SMURF2: variants seen among roughly 807,000 people sequenced by gnomAD.
The protein encoded by SMURF2 is SMAD specific E3 ubiquitin protein ligase 2.
Under a neutral mutation model 109.6 loss-of-function variants are expected in SMURF2, and 48 were observed. That is an observed-to-expected ratio of 0.44 (90% CI 0.35 to 0.56). The LOEUF is 0.56. SMURF2 is among the 20% of genes least tolerant of loss of function. The pLI, the probability that SMURF2 is intolerant of heterozygous loss-of-function variation, is 0.01. For synonymous variants in SMURF2, 288 were observed against 317.1 expected (o/e 0.91, Z 0.97); for missense variants, 575 against 909.0 (o/e 0.63, Z 4.72).
chr17:64,547,557 G>A lies in SMURF2; in HGVS notation c.2071+43C>T, dbSNP rs782615947. ...CCACAGACCCCACGCTGACAGCCCC[G>A]CCCCCACCCGCTGCCCAGCTTGCCT... On this transcript the variant is annotated intron_variant, in intron 17 of 18. Coordinates refer to ENST00000262435, the MANE Select transcript of SMURF2 (RefSeq NM_022739.4). This position sits in a 1 kb window ranked among gnomAD's most constrained non-coding sequence, Gnocchi z 4.2. The A allele has an allele frequency of 9.5e-6, 12 of 1,262,284 alleles. No homozygotes were observed. Among genetic ancestry groups the A allele is most frequent in the Admixed American group, 1.9e-5 (1 of 52,942 alleles). 78.2% of individuals were successfully genotyped at this position (1,262,284 alleles called of 1,614,324 possible). A position where few individuals can be genotyped will look rare whatever the true frequency, so the allele number is the denominator to read the frequency against.
intron 2 of SMURF2, among the ~76,000 whole-genome samples, chr17:64,604,906 T>C (rs1598291871): frequency 3.3e-5 from 5 of 151,258 alleles, no homozygotes; most frequent in South Asian, 4.2e-4. Flanking sequence ...ATCACACCAC[T>C]GCACTCCAGC....
intron 1 of SMURF2, among the ~76,000 whole-genome samples, chr17:64,614,415 C>T (rs1380502167): frequency 1.3e-5 from 2 of 152,180 alleles, no homozygotes; most frequent in Non-Finnish European, 2.9e-5. Flanking sequence ...CAGTACCATG[C>T]TGCAGAATCC....
chr17:64,606,474 G>T, intron 2 of SMURF2, 128 bp downstream of exon 2: 1 of 729,852 alleles, frequency 1.4e-6, no homozygotes, highest in Non-Finnish European at 2.3e-6. Flanking sequence ...GCTCTGAACC[G>T]AAGCATTCAT....
At position 64,547,037 on chromosome 17, in the gene SMURF2, G is replaced by A. The variant is rs1464122374; in HGVS notation, c.2071+563C>T. 6.6e-6 allele frequency among the ~76,000 whole-genome samples: 1 copy of A among 152,212 alleles called. No individual in the cohort carries two copies. Among genetic ancestry groups the A allele is most frequent in the African/African-American group, 2.4e-5 (1 of 41,440 alleles). ...AAGGAAGCAACTGCCACCCAGTGAA[G>A]CACCACAATCATTAGCAATATTACC... On this transcript the variant is annotated intron_variant, in intron 17 of 18. Transcript: ENST00000262435. The surrounding 1 kb of genome is among the most constrained non-coding windows in gnomAD (Gnocchi z 4.2).
intron 6 of SMURF2, among the ~76,000 whole-genome samples, chr17:64,585,557 G>A (rs1969641006): frequency 6.6e-6 from 1 of 152,088 alleles, no homozygotes; most frequent in Non-Finnish European, 1.5e-5. Flanking sequence ...AGAATAGTAA[G>A]GATTAGAACT....
At chr17:64,567,982 T>C (rs1969338862) in intron 10 of SMURF2, among the ~76,000 whole-genome samples, 1 of 149,820 alleles carries the variant, frequency 6.7e-6, no homozygotes, top group South Asian at 2.1e-4. Context: ...GCCTCCCGAG[T>C]AGCTGGGACT....
At chr17:64,556,844 CT>C (rs1969126664) in intron 13 of SMURF2, among the ~76,000 whole-genome samples, 1 of 152,068 alleles carries the variant, frequency 6.6e-6, no homozygotes. Flanking sequence ...GTCTTTAAAC[CT>C]TTTATCTTGT....
chr17:64,546,670 A>G (rs1555683129), intron 17 of SMURF2, among the ~76,000 whole-genome samples: 1 of 152,234 alleles, frequency 6.6e-6, no homozygotes, highest in Non-Finnish European at 1.5e-5. Flanking sequence ...AAGGTAAAAT[A>G]CATAGGCACA....
Position 64,555,098 on chromosome 17 carries a change from A to C in SMURF2, c.1611-105T>G, listed in dbSNP as rs1189613640. ...AACTAAGATCATTTTATAATATAAC[A>C]AATGTGAGGTCAGATTCTGCTTCCA... On this transcript the variant is annotated intron_variant, in intron 14 of 18. Coordinates refer to ENST00000262435, the MANE Select transcript of SMURF2 (RefSeq NM_022739.4). 1.2e-5 allele frequency: 13 copies of C among 1,113,294 alleles called. No individual in the cohort carries two copies. In the African/African-American group the frequency reaches 2.1e-4, roughly 18 times the overall value. The allele number at this position is 1,113,294 out of a possible 1,614,324, so 69.0% of individuals were successfully genotyped here.
At chr17:64,584,249 C>T (rs1296105627) in intron 6 of SMURF2, among the ~76,000 whole-genome samples, 4 of 138,090 alleles carry the variant, frequency 2.9e-5, no homozygotes, top group African/African-American at 5.7e-5. Context: ...ACCGGGGAGG[C>T]GGAGGTTGCA....
chr17:64,544,966 A>G lies in SMURF2; in HGVS notation c.*882T>C, dbSNP rs1274452058. Reference sequence around the variant, plus strand: ...GACCCAGCAAAATAACGAAAATCCCATCCCATCCACATGCTCTGAGAAGCT... The same window carrying G: ...GACCCAGCAAAATAACGAAAATCCCGTCCCATCCACATGCTCTGAGAAGCT... On this transcript the variant is annotated 3_prime_UTR_variant, in exon 19 of 19. Coordinates refer to ENST00000262435, the MANE Select transcript of SMURF2 (RefSeq NM_022739.4). 1 of 152,606 alleles carries G rather than the reference A, an allele frequency of 6.6e-6. No homozygotes were observed. The highest frequency in any genetic ancestry group is 1.5e-5 in the Non-Finnish European group (1 of 68,034). The allele number at this position is 152,606 out of a possible 1,614,324, so 9.5% of individuals were successfully genotyped here. A position where few individuals can be genotyped will look rare whatever the true frequency, so the allele number is the denominator to read the frequency against.
At chr17:64,614,046 G>A (rs1488566106) in intron 1 of SMURF2, among the ~76,000 whole-genome samples, 1 of 151,960 alleles carries the variant, frequency 6.6e-6, no homozygotes, top group Non-Finnish European at 1.5e-5. Context: ...AGAATCTATT[G>A]CCGCTGCTGA....
At chr17:64,648,769 CAAAAAA>C (rs1970595250) in intron 1 of SMURF2, among the ~76,000 whole-genome samples, 2 of 151,970 alleles carry the variant, frequency 1.3e-5, no homozygotes, top group Admixed American at 1.3e-4. Flanking sequence ...AAAACAAAAA[CAAAAAA>C]CAAAACACAC....
intron 1 of SMURF2, among the ~76,000 whole-genome samples, chr17:64,650,949 C>A (rs1002860748): frequency 1.4e-5 from 2 of 146,238 alleles, no homozygotes; most frequent in East Asian, 4.1e-4. Context: ...CGGCGGCTCA[C>A]GTCTGTAATC....
intron 2 of SMURF2, among the ~76,000 whole-genome samples, chr17:64,604,926 A>AGGAGTGCCCAGT (rs1347450287): frequency 1.3e-5 from 2 of 151,948 alleles, no homozygotes; most frequent in Non-Finnish European, 2.9e-5. Flanking sequence ...CCTGGGCAAC[A>AGGAGTGCCCAGT]GAGTGAGACT....
intron 1 of SMURF2, among the ~76,000 whole-genome samples, chr17:64,611,863 C>G (rs750725716): frequency 1.3e-5 from 2 of 152,158 alleles, no homozygotes; most frequent in East Asian, 3.9e-4. Flanking sequence ...CTCCTGCTCA[C>G]CTCTCTGACC....
At chr17:64,619,250 G>A (rs1414974906) in intron 1 of SMURF2, among the ~76,000 whole-genome samples, 1 of 151,798 alleles carries the variant, frequency 6.6e-6, no homozygotes, top group Non-Finnish European at 1.5e-5. Flanking sequence ...AGGCCGAGGC[G>A]GGCAGATCAT....
intron 3 of SMURF2, among the ~76,000 whole-genome samples, chr17:64,595,943 T>G (rs1969810590): frequency 6.6e-6 from 1 of 151,954 alleles, no homozygotes; most frequent in South Asian, 2.1e-4. Flanking sequence ...ACTCTAAACC[T>G]ACAATTTCCA....
chr17:64,632,493 C>G (rs183464111), intron 1 of SMURF2, among the ~76,000 whole-genome samples: 1 of 152,272 alleles, frequency 6.6e-6, no homozygotes, highest in East Asian at 1.9e-4. Flanking sequence ...TTGACTTATA[C>G]TCAGGGCAGC....
Sources: allele counts gnomAD v4.1 joint callset (sites outside exome capture counted in the v4.1 genomes callset), GRCh38; gene constraint gnomAD v4.1.1; non-coding constraint Gnocchi (gnomAD v3.1); transcripts MANE v1.5; gene names NCBI Gene and HGNC (gene_info 2026-07-23, HGNC 2026-07-21).